The following FSTL4 variants were observed in gnomAD, a reference collection of about 807,000 sequenced individuals.
The protein encoded by FSTL4 is follistatin like 4.
FSTL4 carries 28 observed loss-of-function variants against 78.2 expected under a neutral mutation model. The ratio of observed to expected loss-of-function variants is 0.36; its 90% CI spans 0.27 to 0.49. FSTL4 has a LOEUF of 0.49. Among genes scored for constraint, FSTL4 ranks in the 20% least tolerant of loss-of-function variants. The probability of loss-of-function intolerance (pLI) is 0.98; values close to 1 mark genes in which losing one functional copy is unlikely to be tolerated. For missense variants in FSTL4, 922 were observed against 1,084.9 expected (o/e 0.85, Z 2.11); for synonymous variants, 422 against 440.5 (o/e 0.96, Z 0.53).
intron 3 of FSTL4, chr5:133,427,775 C>T: frequency 2.1e-6 from 1 of 469,918 alleles, no homozygotes; most frequent in Non-Finnish European, 4.7e-6. Flanking sequence ...GCAACTTCTG[C>T]CATCAGGACA....
intron 4 of FSTL4, among the ~76,000 whole-genome samples, chr5:133,352,625 G>T (rs769167302): frequency 2.6e-5 from 4 of 152,024 alleles, no homozygotes; most frequent in Non-Finnish European, 5.9e-5. Flanking sequence ...GCCCAGGCCG[G>T]TCTCAAATAC....
the FSTL4 span, among the ~76,000 whole-genome samples, chr5:133,701,877 A>G: frequency 6.6e-6 from 1 of 152,134 alleles, no homozygotes; most frequent in African/African-American, 2.4e-5. Flanking sequence ...GTCCTGTGAT[A>G]GCCCTGCCTG....
chr5:133,540,720 C>CAAAAAAAAAAAAAAAAAAAAAAAAAAA (rs79162509), intron 3 of FSTL4, among the ~76,000 whole-genome samples: 6 of 70,256 alleles, frequency 8.5e-5, no homozygotes, highest in African/African-American at 2.3e-4. Flanking sequence ...TTAACATAGG[C>CAAAAAAAAAAAAAAAAAAAAAAAAAAA]AAAAAAAAAA....
the FSTL4 span, among the ~76,000 whole-genome samples, chr5:133,796,597 C>G: frequency 6.6e-6 from 1 of 152,094 alleles, no homozygotes; most frequent in Admixed American, 6.5e-5. Flanking sequence ...TCTCCGACCA[C>G]CCCCAACCAA....
chr5:133,500,337 C>T (rs768694605), intron 3 of FSTL4, among the ~76,000 whole-genome samples: 3 of 152,182 alleles, frequency 2.0e-5, no homozygotes, highest in Non-Finnish European at 2.9e-5. Flanking sequence ...GGAGCTCATG[C>T]TTACTGAACT....
chr5:133,311,869 T>C lies in FSTL4; in HGVS notation c.727+785A>G, dbSNP rs566642056. Among the ~76,000 whole-genome samples, 161 of 152,274 alleles carry C rather than the reference T, an allele frequency of 1.1e-3. 1 individual carries two copies. The highest frequency in any genetic ancestry group is 2.5e-4 in the Non-Finnish European group (17 of 68,012). On this transcript the variant is annotated intron_variant, in intron 6 of 15. Transcript: ENST00000265342. ...TTCTAATGTAAGGGGCTTCATCTCT[T>C]TTGGGCCAAGGATGTCCCCTCTAGT...
At chr5:133,556,874 C>T (rs1377293471) in intron 3 of FSTL4, among the ~76,000 whole-genome samples, 1 of 152,190 alleles carries the variant, frequency 6.6e-6, no homozygotes, top group Non-Finnish European at 1.5e-5. Context: ...GGACTGAAGC[C>T]ACTGCCAGGT....
chr5:133,722,120 A>G, the FSTL4 span, among the ~76,000 whole-genome samples: 1 of 152,086 alleles, frequency 6.6e-6, no homozygotes, highest in South Asian at 2.1e-4. Flanking sequence ...TCCATGGCCT[A>G]TTGGGAACCC....
At chr5:133,580,384 A>T (rs1421296502) in intron 2 of FSTL4, among the ~76,000 whole-genome samples, 1 of 152,114 alleles carries the variant, frequency 6.6e-6, no homozygotes, top group Non-Finnish European at 1.5e-5. Context: ...TCGTTTGTTC[A>T]TGTGTTCACT....
At chr5:133,804,070 C>T in the FSTL4 span, among the ~76,000 whole-genome samples, 1 of 152,154 alleles carries the variant, frequency 6.6e-6, no homozygotes, top group African/African-American at 2.4e-5. Context: ...CTGAATGTAG[C>T]CTTTCTGAAT....
At chr5:133,360,313 T>A (rs1755040772) in intron 4 of FSTL4, among the ~76,000 whole-genome samples, 1 of 152,204 alleles carries the variant, frequency 6.6e-6, no homozygotes. Flanking sequence ...ACTGTTGAAT[T>A]CAAAGCTGGC....
chr5:133,573,072 A>T (rs1331602290), intron 2 of FSTL4, among the ~76,000 whole-genome samples: 1 of 151,864 alleles, frequency 6.6e-6, no homozygotes, highest in African/African-American at 2.4e-5. Flanking sequence ...GTGTAACCCT[A>T]TCTCTACTAA....
At chr5:133,243,539 G>T (rs1751943030) in intron 7 of FSTL4, among the ~76,000 whole-genome samples, 1 of 152,194 alleles carries the variant, frequency 6.6e-6, no homozygotes, top group East Asian at 1.9e-4. Context: ...CCACAGCAAA[G>T]ATTTGGAATT....
the FSTL4 span, among the ~76,000 whole-genome samples, chr5:133,728,276 A>G: frequency 6.6e-6 from 1 of 152,226 alleles, no homozygotes; most frequent in Non-Finnish European, 1.5e-5. Context: ...CCCAATGCTC[A>G]AGGACCTACA....
At chr5:133,701,803 T>C in the FSTL4 span, among the ~76,000 whole-genome samples, 1 of 152,186 alleles carries the variant, frequency 6.6e-6, no homozygotes. Context: ...CGCATGAGTG[T>C]GTGCCCCGTG....
At position 133,400,829 on chromosome 5, in the gene FSTL4, C is replaced by T. The variant is rs746601087; in HGVS notation, c.318G>A (p.Arg106=). 1.9e-6 allele frequency: 3 copies of T among 1,614,038 alleles called. No homozygotes were observed. Among genetic ancestry groups the T allele is most frequent in the Non-Finnish European group, 2.5e-6 (3 of 1,180,008 alleles). Residue 106 remains arginine (R), a synonymous_variant, in exon 4 of 16, where the codon AGG becomes AGA. Coordinates refer to ENST00000265342, the MANE Select transcript of FSTL4 (RefSeq NM_015082.2). The part of the protein sequence containing the change: ...SYVPVCGSDG[R]FYENHCKLHR... ...GGAGCTTACAGTGGTTTTCATAAAACCTCCCATCAGAGCCGCACACAGGCA... is the reference window on the plus strand; with the variant it reads ...GGAGCTTACAGTGGTTTTCATAAAATCTCCCATCAGAGCCGCACACAGGCA...
At position 133,532,252 on chromosome 5, in the gene FSTL4, T is replaced by C. The variant is rs979618702; in HGVS notation, c.160+34934A>G. 3.3e-5 allele frequency among the ~76,000 whole-genome samples: 5 copies of C among 152,190 alleles called. No homozygotes were observed. The South Asian group carries it at 6.2e-4, about 19-fold the overall frequency. On this transcript the variant is annotated intron_variant, in intron 3 of 15. Transcript: ENST00000265342. ...AGGAAATAGATTCTCCCTTAGAGCA[T>C]GTAGAAAGAAGAACTGCCTCTGCAC...
At chr5:133,331,117 C>A (rs960523760) in intron 4 of FSTL4, among the ~76,000 whole-genome samples, 1 of 152,176 alleles carries the variant, frequency 6.6e-6, no homozygotes, top group Non-Finnish European at 1.5e-5. Flanking sequence ...GACAGCAAGC[C>A]CCGCTGAGAG....
the FSTL4 span, among the ~76,000 whole-genome samples, chr5:133,764,634 G>A: frequency 3.3e-5 from 5 of 152,200 alleles, no homozygotes; most frequent in African/African-American, 4.8e-5. Flanking sequence ...GCCCACAGGT[G>A]GACTCCTGGG....
Sources: gnomAD v4.1 joint callset for allele counts (sites outside exome capture counted in the v4.1 genomes callset) on GRCh38, gnomAD v4.1.1 for gene constraint, MANE v1.5 for transcripts, NCBI Gene and HGNC (gene_info 2026-07-23, HGNC 2026-07-21) for gene names.